Variants in INPP4B observed in about 807,000 individuals in gnomAD.
INPP4B encodes the protein inositol polyphosphate 4-phosphatase type II.
Under a neutral mutation model 122.5 loss-of-function variants are expected in INPP4B, and 55 were observed. The observed-to-expected ratio is 0.45, with a 90% CI of 0.36 to 0.56. The LOEUF is 0.56. Among genes scored for constraint, INPP4B ranks in the 20% least tolerant of loss-of-function variants. INPP4B has a pLI of 0.00. For missense variants in INPP4B, 1,000 were observed against 1,097.7 expected, an observed-to-expected ratio of 0.91 and a Z score of 1.26; for synonymous variants, 403 against 388.7, an observed-to-expected ratio of 1.04 and a Z score of -0.43.
intron 18 of INPP4B, among the ~76,000 whole-genome samples, chr4:142,125,361 GA>G (rs57841544): frequency 1.1e-4 from 16 of 146,660 alleles, no homozygotes; most frequent in African/African-American, 2.0e-4. Context: ...AAAATATTTT[GA>G]AAAAAAAACA....
intron 5 of INPP4B, among the ~76,000 whole-genome samples, chr4:142,410,928 ATTC>A (rs1277023350): frequency 6.6e-6 from 1 of 152,228 alleles, no homozygotes; most frequent in Non-Finnish European, 1.5e-5. Flanking sequence ...ATATAAAGTT[ATTC>A]TTTTTTCAAT....
intron 1 of INPP4B, among the ~76,000 whole-genome samples, chr4:142,782,189 G>A (rs569873369): frequency 0.011 from 1,598 of 151,604 alleles, 25 homozygotes; most frequent in African/African-American, 0.037. Context: ...GTGTCCATGT[G>A]TTCTCATTGT....
At chr4:142,315,230 T>C (rs1767072718) in intron 7 of INPP4B, among the ~76,000 whole-genome samples, 1 of 151,614 alleles carries the variant, frequency 6.6e-6, no homozygotes, top group Admixed American at 6.6e-5. Flanking sequence ...CCTAAGTATG[T>C]ATTATGTGTC....
intron 1 of INPP4B, among the ~76,000 whole-genome samples, chr4:142,758,990 C>T (rs1180083366): frequency 1.3e-5 from 2 of 151,430 alleles, no homozygotes; most frequent in African/African-American, 2.4e-5. Context: ...AAAAGCCTTT[C>T]ACTGTGTAGA....
chr4:142,649,316 T>G (rs150275317), intron 2 of INPP4B, among the ~76,000 whole-genome samples: 5 of 152,274 alleles, frequency 3.3e-5, no homozygotes, highest in African/African-American at 1.2e-4. Flanking sequence ...CCTCTTCTCC[T>G]CCAAAGGATC....
Position 142,246,146 on chromosome 4 carries a change from A to G in INPP4B, c.689-8135T>C, listed in dbSNP as rs531293542. On this transcript the variant is annotated intron_variant, in intron 11 of 25. Coordinates refer to ENST00000262992, the MANE Select transcript of INPP4B (RefSeq NM_001101669.3). ...TATGTATACACACACATATATATAT[A>G]CATATATGTGTTTTGGTACCAGTAC... is the stretch of plus-strand genomic sequence containing the variant. 4.2e-4 allele frequency among the ~76,000 whole-genome samples: 61 copies of G among 145,066 alleles called. 1 individual carries two copies. In the South Asian group the frequency reaches 0.013, roughly 30 times the overall value.
At chr4:142,287,831 T>C (rs778000283) in intron 9 of INPP4B, among the ~76,000 whole-genome samples, 1 of 152,166 alleles carries the variant, frequency 6.6e-6, no homozygotes, top group African/African-American at 2.4e-5. Flanking sequence ...CAAAATAGCA[T>C]ATAAAACTGA....
At chr4:142,419,115 A>G (rs1806350189) in intron 5 of INPP4B, among the ~76,000 whole-genome samples, 1 of 152,116 alleles carries the variant, frequency 6.6e-6, no homozygotes, top group African/African-American at 2.4e-5. Flanking sequence ...GGTGTGCTTT[A>G]TGGAGATAGA....
At chr4:142,283,508 T>G (rs1023426934) in intron 9 of INPP4B, among the ~76,000 whole-genome samples, 2 of 152,036 alleles carry the variant, frequency 1.3e-5, no homozygotes, top group Non-Finnish European at 2.9e-5. Context: ...TGTCATAGAG[T>G]GTACTTACAT....
intron 2 of INPP4B, among the ~76,000 whole-genome samples, chr4:142,719,581 C>T (rs1419351505): frequency 2.0e-5 from 3 of 152,016 alleles, no homozygotes; most frequent in African/African-American, 7.2e-5. Context: ...GCCTCGGCCT[C>T]CCAAAGTGCT....
At position 142,123,425 on chromosome 4, in the gene INPP4B, A is replaced by C. The variant is rs541310243; in HGVS notation, c.1894-10T>G. 6.2e-7 allele frequency: 1 copy of C among 1,608,252 alleles called. No homozygotes were observed. The highest frequency in any genetic ancestry group is 1.7e-5 in the Admixed American group (1 of 58,742). On this transcript the variant is annotated splice_polypyrimidine_tract_variant and intron_variant, in intron 19 of 25. Coordinates refer to ENST00000262992, the MANE Select transcript of INPP4B (RefSeq NM_001101669.3). Reference sequence around the variant, plus strand: ...AAACCAATCCAGCAAGCTGAAAAAAAAATATTGATGAGATTTACTGCAGTT... The same window carrying C: ...AAACCAATCCAGCAAGCTGAAAAAACAATATTGATGAGATTTACTGCAGTT...
intron 21 of INPP4B, among the ~76,000 whole-genome samples, chr4:142,119,511 G>T (rs574762454): frequency 3.9e-5 from 6 of 151,902 alleles, no homozygotes; most frequent in Non-Finnish European, 7.4e-5. Context: ...ATGGATGAAG[G>T]TGGAAACCAT....
At chr4:142,375,497 C>G (rs1355898978) in intron 7 of INPP4B, among the ~76,000 whole-genome samples, 1 of 151,830 alleles carries the variant, frequency 6.6e-6, no homozygotes. Context: ...CATTTCCAAC[C>G]AGCTTTTTTG....
intron 23 of INPP4B, among the ~76,000 whole-genome samples, chr4:142,090,032 T>C (rs964649194): frequency 6.6e-6 from 1 of 152,216 alleles, no homozygotes; most frequent in Non-Finnish European, 1.5e-5. Context: ...ATTAACACAA[T>C]AGACCAAATT....
intron 2 of INPP4B, among the ~76,000 whole-genome samples, chr4:142,613,389 A>T (rs1742996822): frequency 6.6e-6 from 1 of 152,220 alleles, no homozygotes; most frequent in Non-Finnish European, 1.5e-5. Flanking sequence ...GATATACAAT[A>T]AAATAGTTTG....
chr4:142,141,206 G>A (rs1043589058), intron 18 of INPP4B, among the ~76,000 whole-genome samples: 30 of 152,138 alleles, frequency 2.0e-4, no homozygotes, highest in African/African-American at 7.2e-4. Flanking sequence ...TAGGATCAAG[G>A]TCTGGAGTAT....
At chr4:142,575,189 T>C (rs1223310720) in intron 2 of INPP4B, among the ~76,000 whole-genome samples, 4 of 150,364 alleles carry the variant, frequency 2.7e-5, no homozygotes, top group African/African-American at 9.8e-5. Context: ...ATTTGACCCA[T>C]AGTGCCGTGA....
intron 9 of INPP4B, among the ~76,000 whole-genome samples, chr4:142,298,310 A>T (rs984214154): frequency 6.6e-6 from 1 of 152,160 alleles, no homozygotes; most frequent in Non-Finnish European, 1.5e-5. Context: ...GGGAGGAAAA[A>T]TTCTGAGTTT....
At chr4:142,501,339 A>G (rs1823346775) in intron 2 of INPP4B, among the ~76,000 whole-genome samples, 1 of 152,234 alleles carries the variant, frequency 6.6e-6, no homozygotes, top group Admixed American at 6.5e-5. Flanking sequence ...CAGAGGTAAC[A>G]GGAAAATTAG....
Sources: allele counts gnomAD v4.1 joint callset (sites outside exome capture counted in the v4.1 genomes callset), GRCh38; gene constraint gnomAD v4.1.1; transcripts MANE v1.5; gene names NCBI Gene and HGNC (gene_info 2026-07-23, HGNC 2026-07-21).